CHSY3: variants seen among roughly 807,000 people sequenced by gnomAD.
CHSY3 encodes N-acetylgalactosaminyl-proteoglycan 3-beta-glucuronosyltransferase 3.
In CHSY3, 35 loss-of-function variants were observed where a neutral mutation model predicts 67.2. The observed-to-expected ratio is 0.52, with a 90% confidence interval of 0.40 to 0.69. The LOEUF is 0.69. CHSY3 is among the 30% of genes least tolerant of loss of function. CHSY3 has a pLI of 0.00. For synonymous variants in CHSY3, 474 were observed against 434.7 expected, an observed-to-expected ratio of 1.09 and a Z score of -1.12; for missense variants, 1,069 against 1,138.5, an observed-to-expected ratio of 0.94 and a Z score of 0.88.
At chr5:130,163,447 G>A (rs1441710831) in intron 2 of CHSY3, among the ~76,000 whole-genome samples, 3 of 151,972 alleles carry the variant, frequency 2.0e-5, no homozygotes, top group East Asian at 1.9e-4. Flanking sequence ...CAGACCCATG[G>A]AATTCACTCC....
intron 2 of CHSY3, among the ~76,000 whole-genome samples, chr5:129,935,814 C>T (rs528041360): frequency 6.6e-6 from 1 of 152,260 alleles, no homozygotes; most frequent in East Asian, 1.9e-4. Context: ...TCATAAATCA[C>T]CAGCTGTTGT....
At chr5:129,957,355 G>A (rs1762206835) in intron 2 of CHSY3, among the ~76,000 whole-genome samples, 1 of 80,614 alleles carries the variant, frequency 1.2e-5, no homozygotes, top group Admixed American at 1.5e-4. Context: ...TCAGCTTAAG[G>A]ACCTTTTGAG....
chr5:130,121,734 T>C (rs896312783), intron 2 of CHSY3, among the ~76,000 whole-genome samples: 10 of 152,212 alleles, frequency 6.6e-5, no homozygotes, highest in African/African-American at 1.9e-4. Context: ...TCCTTCATCA[T>C]TGGTGATAGA....
In CHSY3 at chr5:130,177,116, CAT is replaced by C. The variant is rs570773704; in HGVS notation, c.1087-7112_1087-7111del. On this transcript the variant is annotated intron_variant, in intron 2 of 2. Transcript: ENST00000305031. Reference sequence around the variant, plus strand: ...AACTTTCCTTTCCTACACAATCACACATGTGTATCCTGTCCTTGACTCCCTAT... The same window carrying C: ...AACTTTCCTTTCCTACACAATCACACGTGTATCCTGTCCTTGACTCCCTAT... Among the ~76,000 whole-genome samples, 1,409 of 151,864 alleles carry C rather than the reference CAT, an allele frequency of 9.3e-3. 24 individuals carry two copies. The highest frequency in any genetic ancestry group is 0.032 in the African/African-American group (1,345 of 41,416).
At position 129,905,021 on chromosome 5, in the gene CHSY3, C is replaced by G. The variant is rs971341583; in HGVS notation, c.192C>G (p.Pro64=). The part of the protein sequence containing the change: ...GPRAGAQQPL[P]QPQSRPRQEQ... ...GCGCCGGCGCTCAGCAGCCGCTCCC[C>G]CAGCCCCAGTCCCGACCACGGCAGG... Residue 64 remains proline (P), a synonymous_variant, in exon 1 of 3, where the codon CCC becomes CCG. Coordinates refer to ENST00000305031, the MANE Select transcript of CHSY3 (RefSeq NM_175856.5). 3.2e-6 allele frequency: 5 copies of G among 1,563,572 alleles called. No individual in the cohort carries two copies. The highest frequency in any genetic ancestry group is 1.4e-5 in the African/African-American group (1 of 73,690).
intron 2 of CHSY3, among the ~76,000 whole-genome samples, chr5:130,057,948 G>A (rs559897956): frequency 2.0e-5 from 3 of 151,950 alleles, no homozygotes; most frequent in African/African-American, 2.4e-5. Context: ...GAGCACCTCT[G>A]TTCAACTTTC....
At chr5:130,020,437 ATATATATATATATATATATATATATTTTT>A (rs1157032918) in intron 2 of CHSY3, among the ~76,000 whole-genome samples, 8 of 2,252 alleles carry the variant, frequency 3.6e-3, no homozygotes, top group African/African-American at 8.0e-3. Flanking sequence ...ATATATATAT[ATATATATATATATATATATATATATTTTT>A]TTTTTTTTTT....
intron 2 of CHSY3, among the ~76,000 whole-genome samples, chr5:129,954,463 T>G (rs1390762932): frequency 2.0e-5 from 2 of 100,268 alleles, no homozygotes; most frequent in South Asian, 3.7e-4. Flanking sequence ...GGCTATACGG[T>G]TTTTTTTTTT....
intron 2 of CHSY3, among the ~76,000 whole-genome samples, chr5:130,090,422 A>G (rs1054345673): frequency 6.6e-6 from 1 of 152,106 alleles, no homozygotes; most frequent in Non-Finnish European, 1.5e-5. Flanking sequence ...GTGCTTCCAC[A>G]CTAGTCACTT....
At chr5:130,001,967 T>C (rs1037438787) in intron 2 of CHSY3, 9 of 876,538 alleles carry the variant, frequency 1.0e-5, no homozygotes, top group African/African-American at 9.1e-5. Flanking sequence ...AATCCTTATA[T>C]TGGCTACAAT....
chr5:130,075,994 C>T (rs1766237208), intron 2 of CHSY3, among the ~76,000 whole-genome samples: 2 of 152,152 alleles, frequency 1.3e-5, no homozygotes, highest in South Asian at 4.1e-4. Flanking sequence ...TTCCCTCATT[C>T]TGCATACTCA....
chr5:130,070,889 T>C (rs1766039515), intron 2 of CHSY3, among the ~76,000 whole-genome samples: 1 of 152,222 alleles, frequency 6.6e-6, no homozygotes, highest in East Asian at 1.9e-4. Context: ...ATTTGTTTTA[T>C]TGATGCTTCA....
At chr5:129,916,837 C>T (rs1025147512) in intron 2 of CHSY3, among the ~76,000 whole-genome samples, 1 of 152,058 alleles carries the variant, frequency 6.6e-6, no homozygotes, top group Admixed American at 6.6e-5. Context: ...GGTTTCAAAT[C>T]TAATATAGAG....
At chr5:129,976,412 A>G (rs1762807184) in intron 2 of CHSY3, among the ~76,000 whole-genome samples, 1 of 152,134 alleles carries the variant, frequency 6.6e-6, no homozygotes, top group Non-Finnish European at 1.5e-5. Flanking sequence ...CCCCCCCATA[A>G]CCAATCTCAC....
intron 2 of CHSY3, among the ~76,000 whole-genome samples, chr5:130,133,991 A>G (rs1413664023): frequency 1.3e-5 from 2 of 152,134 alleles, no homozygotes; most frequent in Admixed American, 6.5e-5. Flanking sequence ...TATTGTTACT[A>G]TAATATTAAT....
At chr5:129,924,825 T>C (rs189729758) in intron 2 of CHSY3, among the ~76,000 whole-genome samples, 189 of 152,182 alleles carry the variant, frequency 1.2e-3, no homozygotes, top group African/African-American at 4.3e-3. Context: ...CTGCATAGCA[T>C]CCTCCAATTA....
intron 2 of CHSY3, among the ~76,000 whole-genome samples, chr5:130,111,547 C>A (rs1767592125): frequency 6.6e-6 from 1 of 152,044 alleles, no homozygotes; most frequent in East Asian, 1.9e-4. Context: ...CCAAATATGA[C>A]CACCATGTTC....
At chr5:130,065,534 C>A (rs952342149) in intron 2 of CHSY3, among the ~76,000 whole-genome samples, 4 of 152,006 alleles carry the variant, frequency 2.6e-5, no homozygotes, top group Non-Finnish European at 5.9e-5. Context: ...CCTTTCTATT[C>A]TCTGGGGTAG....
At chr5:129,935,336 C>G (rs1443217298) in intron 2 of CHSY3, among the ~76,000 whole-genome samples, 1 of 152,088 alleles carries the variant, frequency 6.6e-6, no homozygotes, top group African/African-American at 2.4e-5. Flanking sequence ...TTTTGGCAGT[C>G]TATATTTTTA....
Sources: gnomAD v4.1 joint callset for allele counts (sites outside exome capture counted in the v4.1 genomes callset) on GRCh38, gnomAD v4.1.1 for gene constraint, MANE v1.5 for transcripts, NCBI Gene and HGNC (gene_info 2026-07-23, HGNC 2026-07-21) for gene names.